Variants in CCSER2 observed in about 807,000 individuals in gnomAD.
CCSER2 encodes the protein coiled-coil serine rich protein 2.
CCSER2 carries 46 observed loss-of-function variants against 92.3 expected under a neutral mutation model. The ratio of observed to expected loss-of-function variants is 0.50; its 90% confidence interval spans 0.39 to 0.64. The LOEUF (loss-of-function observed/expected upper bound fraction) is 0.64, where lower values mean the gene tolerates loss of function less well. Ranked by LOEUF, CCSER2 falls within the 30% of genes least tolerant of loss-of-function variation. CCSER2 has a pLI of 0.00. For missense variants in CCSER2, 1,244 were observed against 1,238.9 expected (o/e 1.00, Z -0.06); for synonymous variants, 433 against 431.4 (o/e 1.00, Z -0.04).
chr10:84,356,234 ATAAT>A (rs1427604272), intron 1 of CCSER2, among the ~76,000 whole-genome samples: 3 of 152,276 alleles, frequency 2.0e-5, no homozygotes, highest in Admixed American at 6.5e-5. Context: ...GATGGTTATT[ATAAT>A]TAATTCATAG....
intron 3 of CCSER2, among the ~76,000 whole-genome samples, chr10:84,397,522 C>T (rs998232404): frequency 3.3e-5 from 5 of 152,160 alleles, no homozygotes; most frequent in African/African-American, 4.8e-5. Context: ...CATTTTCTCT[C>T]ATCTAACAAA....
intron 1 of CCSER2, among the ~76,000 whole-genome samples, chr10:84,333,908 CT>C (rs1410825114): frequency 6.6e-6 from 1 of 152,192 alleles, no homozygotes; most frequent in East Asian, 1.9e-4. Context: ...ACATATCTGT[CT>C]CCCCCACTGG....
At chr10:84,511,480 A>T (rs566812750) in intron 9 of CCSER2, among the ~76,000 whole-genome samples, 2 of 152,282 alleles carry the variant, frequency 1.3e-5, no homozygotes, top group South Asian at 4.1e-4. Flanking sequence ...GCACATGTTT[A>T]TACCTTTTTT....
chr10:84,433,848 C>T (rs1032721658), intron 5 of CCSER2, among the ~76,000 whole-genome samples: 1 of 152,104 alleles, frequency 6.6e-6, no homozygotes, highest in Non-Finnish European at 1.5e-5. Flanking sequence ...AGTGGGCTTT[C>T]ATTCTCATGC....
Position 84,502,869 on chromosome 10 carries a change from A to G in CCSER2, c.2326-10580A>G, listed in dbSNP as rs939186708. Among the ~76,000 whole-genome samples, 7 of 152,122 alleles carry G rather than the reference A, an allele frequency of 4.6e-5. No individual in the cohort carries two copies. In the East Asian group the frequency reaches 1.4e-3, roughly 29 times the overall value. On this transcript the variant is annotated intron_variant, in intron 9 of 9. Transcript: ENST00000372088. ...GAGATAATTAATGTTTACAGGGAGT[A>G]TTTAGCCCTCGTCACTCTAGAAAGC... is the stretch of plus-strand genomic sequence containing the variant.
chr10:84,457,231 A>T (rs1357667395), intron 6 of CCSER2, among the ~76,000 whole-genome samples: 2 of 92,180 alleles, frequency 2.2e-5, no homozygotes, highest in African/African-American at 4.1e-5. Context: ...ATTATATATA[A>T]ATATATTATA....
At chr10:84,428,964 A>ATT (rs34587677) in intron 5 of CCSER2, among the ~76,000 whole-genome samples, 1 of 136,274 alleles carries the variant, frequency 7.3e-6, no homozygotes, top group African/African-American at 2.9e-5. Context: ...TTTGTTGAAG[A>ATT]TTTTTTTTGT....
At chr10:84,410,289 A>T (rs185189351) in intron 3 of CCSER2, among the ~76,000 whole-genome samples, 1 of 152,120 alleles carries the variant, frequency 6.6e-6, no homozygotes, top group African/African-American at 2.4e-5. Flanking sequence ...CAGTAATGGG[A>T]TTACTGGGTC....
intron 5 of CCSER2, among the ~76,000 whole-genome samples, chr10:84,428,989 A>G (rs11201033): frequency 0.14 from 5,403 of 37,356 alleles, 126 homozygotes; most frequent in Admixed American, 0.3. Flanking sequence ...GTATGTGTAT[A>G]TATATATATA....
At chr10:84,339,075 C>G (rs891395669) in intron 1 of CCSER2, among the ~76,000 whole-genome samples, 1 of 152,014 alleles carries the variant, frequency 6.6e-6, no homozygotes, top group Non-Finnish European at 1.5e-5. Context: ...TTCTGTGGCT[C>G]CCTATTCTCT....
intron 1 of CCSER2, among the ~76,000 whole-genome samples, chr10:84,343,083 G>T (rs1844293623): frequency 6.6e-6 from 1 of 152,266 alleles, no homozygotes; most frequent in South Asian, 2.1e-4. Flanking sequence ...ATGTTGGCCA[G>T]GCTGGTCTCG....
chr10:84,356,867 G>A (rs1391184253), intron 1 of CCSER2, among the ~76,000 whole-genome samples: 2 of 152,192 alleles, frequency 1.3e-5, no homozygotes, highest in East Asian at 1.9e-4. Flanking sequence ...TTATGTGTGT[G>A]TGTGTATATA....
chr10:84,411,670 C>G (rs767605527), intron 3 of CCSER2, among the ~76,000 whole-genome samples: 1 of 152,182 alleles, frequency 6.6e-6, no homozygotes, highest in Non-Finnish European at 1.5e-5. Context: ...TATCCTGAGA[C>G]TTTGCTGAAG....
At chr10:84,442,678 A>G (rs1007449298) in intron 6 of CCSER2, among the ~76,000 whole-genome samples, 4 of 152,204 alleles carry the variant, frequency 2.6e-5, no homozygotes, top group African/African-American at 9.7e-5. Flanking sequence ...TTATCCAGTG[A>G]TCAGTTAATT....
At chr10:84,380,579 A>T (rs188668140) in intron 3 of CCSER2, among the ~76,000 whole-genome samples, 118 of 152,182 alleles carry the variant, frequency 7.8e-4, no homozygotes, top group African/African-American at 2.7e-3. Context: ...TATTTTGTTT[A>T]CAGAGAGATG....
intron 8 of CCSER2, among the ~76,000 whole-genome samples, chr10:84,473,847 G>A (rs557430423): frequency 3.3e-5 from 5 of 152,142 alleles, no homozygotes; most frequent in Non-Finnish European, 7.4e-5. Context: ...TCCAAAATGT[G>A]AAGGTTTTTC....
intron 3 of CCSER2, among the ~76,000 whole-genome samples, chr10:84,380,293 T>A (rs1840824912): frequency 6.6e-6 from 1 of 152,202 alleles, no homozygotes; most frequent in African/African-American, 2.4e-5. Context: ...TTTATGTAAA[T>A]TTTTACTTCA....
chr10:84,462,167 G>T (rs975598858), intron 6 of CCSER2, among the ~76,000 whole-genome samples: 1 of 152,168 alleles, frequency 6.6e-6, no homozygotes, highest in Non-Finnish European at 1.5e-5. Flanking sequence ...GGGATGAACC[G>T]ATGAATTTAC....
intron 1 of CCSER2, among the ~76,000 whole-genome samples, chr10:84,357,607 G>T (rs192654430): frequency 1.3e-5 from 2 of 151,840 alleles, no homozygotes; most frequent in Admixed American, 6.6e-5. Context: ...CTGCCACCTC[G>T]CCCGGCTAAT....
Sources: gnomAD v4.1 joint callset for allele counts (sites outside exome capture counted in the v4.1 genomes callset) on GRCh38, gnomAD v4.1.1 for gene constraint, MANE v1.5 for transcripts, NCBI Gene and HGNC (gene_info 2026-07-23, HGNC 2026-07-21) for gene names.